OTOGL: variants seen among roughly 807,000 people sequenced by gnomAD.
The protein encoded by OTOGL is otogelin like, also known as otogelin-like protein.
Under a neutral mutation model 318.5 loss-of-function variants are expected in OTOGL, and 285 were observed. The ratio of observed to expected loss-of-function variants is 0.89; its 90% CI spans 0.81 to 0.99. The LOEUF (loss-of-function observed/expected upper bound fraction) is 0.99, where lower values mean the gene tolerates loss of function less well. OTOGL is among the 50% of genes least tolerant of loss of function. OTOGL has a pLI of 0.00. For missense variants in OTOGL, 2,899 were observed against 2,845.6 expected (o/e 1.02, Z -0.43); for synonymous variants, 987 against 936.5 (o/e 1.05, Z -0.99).
chr12:80,138,673 G>A, intron 1 of OTOGL, among the ~76,000 whole-genome samples: 1 of 151,942 alleles, frequency 6.6e-6, no homozygotes, highest in South Asian at 2.1e-4. Context: ...AAGCAAAAAA[G>A]GCCAATGTCA....
In OTOGL at chr12:80,210,796, C is replaced by A. The variant is rs186272901; in HGVS notation, c.80-51C>A. ...TCTTTTAAACAACTGGAACATGTAG[C>A]CAATATATTTGGATAATTTTTTTTC... On this transcript the variant is annotated intron_variant, in intron 2 of 58. Transcript: ENST00000547103. 5.6e-4 allele frequency: 668 copies of A among 1,199,548 alleles called. 1 individual carries two copies. Among genetic ancestry groups the A allele is most frequent in the South Asian group, 1.7e-3 (104 of 59,574 alleles). The allele number at this position is 1,199,548 out of a possible 1,614,324, so 74.3% of individuals were successfully genotyped here.
In OTOGL at chr12:80,209,413, G is replaced by T. The variant is rs1355784275; in HGVS notation, c.-19G>T. ...GACCATCAATTTGGTTACATTTCAG[G>T]GGGAAAGGCTACACTGAAATGAACA... On this transcript the variant is annotated splice_region_variant and 5_prime_UTR_variant, in exon 2 of 59. Coordinates refer to ENST00000547103, the MANE Select transcript of OTOGL (RefSeq NM_001378609.3). The T allele has an allele frequency of 6.9e-7, 1 of 1,444,244 alleles. No individual in the cohort carries two copies. Among genetic ancestry groups the T allele is most frequent in the Admixed American group, 2.3e-5 (1 of 43,414 alleles). 89.5% of individuals were successfully genotyped at this position (1,444,244 alleles called of 1,614,324 possible).
At chr12:80,264,909 C>T in intron 19 of OTOGL, 92 bp from the exon 20 acceptor site, 2 of 1,301,110 alleles carry the variant, frequency 1.5e-6, no homozygotes, top group Non-Finnish European at 2.2e-6. Flanking sequence ...GTAATATGCA[C>T]TACAGTGTAT....
rs1872322209 is a variant in OTOGL at position 80,145,935 on chromosome 12, T to C, written c.-20+46330T>C. On this transcript the variant is annotated intron_variant, in intron 1 of 58. Coordinates refer to ENST00000547103, the MANE Select transcript of OTOGL (RefSeq NM_001378609.3). ...TATCCTGAGACTTTGCTGAAATTGC[T>C]TATCAGCTGAAGGAGATTTTGGGCT... Among the ~76,000 whole-genome samples, 3 of 134,162 alleles carry C rather than the reference T, an allele frequency of 2.2e-5. No individual in the cohort carries two copies. The South Asian group carries it at 7.1e-4, about 32-fold the overall frequency. The allele number at this position is 134,162 out of a possible 152,430, so 88.0% of individuals were successfully genotyped here.
At chr12:80,110,153 C>T (rs564716768) in intron 1 of OTOGL, among the ~76,000 whole-genome samples, 5 of 148,232 alleles carry the variant, frequency 3.4e-5, no homozygotes, top group East Asian at 2.0e-4. Flanking sequence ...CTACAAGCTT[C>T]GTCTCCCAGG....
At chr12:80,175,369 T>C (rs1466550244) in intron 1 of OTOGL, among the ~76,000 whole-genome samples, 1 of 152,182 alleles carries the variant, frequency 6.6e-6, no homozygotes, top group East Asian at 1.9e-4. Context: ...AATTACATAA[T>C]ATAAAGCAAA....
At position 80,274,460 on chromosome 12, in the gene OTOGL, G is replaced by A. The variant is rs554238880; in HGVS notation, c.2681+2650G>A. ...TGAGGGAGGTGACAAAGCTGCAGAA[G>A]AAAAGTTTGAAGCCAGCAGAGGTTG... On this transcript the variant is annotated intron_variant, in intron 24 of 58. Coordinates refer to ENST00000547103, the MANE Select transcript of OTOGL (RefSeq NM_001378609.3). 4.6e-5 allele frequency among the ~76,000 whole-genome samples: 7 copies of A among 152,094 alleles called. No homozygotes were observed. In the South Asian group the frequency reaches 1.5e-3, roughly 32 times the overall value.
rs767545398 is a variant in OTOGL, at chr12:80,302,661, A to C, written c.3091A>C (p.Lys1031Gln). Residue 1031 changes from lysine (K) to glutamine (Q), a missense_variant, in exon 28 of 59, where the codon AAA becomes CAA. Transcript: ENST00000547103. ...QKQSGFFLEN[K>Q]STYQLWKAGY... Reference sequence around the variant, plus strand: ...ACAATCAGGTTTTTTTCTGGAAAACAAATCTACCTACCAGCTTTGGAAGGC... The same window carrying C: ...ACAATCAGGTTTTTTTCTGGAAAACCAATCTACCTACCAGCTTTGGAAGGC... 1.4e-6 allele frequency: 2 copies of C among 1,388,344 alleles called. No homozygotes were observed. Among genetic ancestry groups the C allele is most frequent in the South Asian group, 3.5e-5 (2 of 57,542 alleles). The allele number at this position is 1,388,344 out of a possible 1,614,324, so 86.0% of individuals were successfully genotyped here. A position where few individuals can be genotyped will look rare whatever the true frequency, so the allele number is the denominator to read the frequency against.
chr12:80,192,569 A>G (rs536935936), intron 1 of OTOGL, among the ~76,000 whole-genome samples: 1 of 152,370 alleles, frequency 6.6e-6, no homozygotes, highest in Admixed American at 6.5e-5. Flanking sequence ...TAGATTTTAC[A>G]TAAAAAAAGG....
chr12:80,268,514 C>G (rs1883169915), intron 22 of OTOGL, among the ~76,000 whole-genome samples: 1 of 152,072 alleles, frequency 6.6e-6, no homozygotes, highest in Non-Finnish European at 1.5e-5. Flanking sequence ...GCTCAATTTA[C>G]CTTTGTCTTT....
chr12:80,186,675 C>G (rs1875314700), intron 1 of OTOGL, among the ~76,000 whole-genome samples: 3 of 152,102 alleles, frequency 2.0e-5, no homozygotes, highest in Admixed American at 2.0e-4. Context: ...TTTAACTGCT[C>G]TCCCCAACTC....
intron 1 of OTOGL, chr12:80,131,709 C>G (rs1871251476): frequency 2.0e-5 from 3 of 152,152 alleles, no homozygotes; most frequent in Non-Finnish European, 4.4e-5. Flanking sequence ...ATAACCTATG[C>G]ATGAAACTCA....
At chr12:80,148,943 T>A (rs1244303307) in intron 1 of OTOGL, among the ~76,000 whole-genome samples, 1 of 152,204 alleles carries the variant, frequency 6.6e-6, no homozygotes, top group Non-Finnish European at 1.5e-5. Context: ...ATTATTCTAG[T>A]TATACATTAT....
At chr12:80,181,162 C>T (rs115105903) in intron 1 of OTOGL, among the ~76,000 whole-genome samples, 1 of 152,036 alleles carries the variant, frequency 6.6e-6, no homozygotes, top group African/African-American at 2.4e-5. Context: ...TAGTTTAGAT[C>T]CTTTGTTGTA....
At chr12:80,310,777 T>C (rs759973410) in intron 30 of OTOGL, 50 bp downstream of exon 30, 9 of 1,413,684 alleles carry the variant, frequency 6.4e-6, no homozygotes, top group Middle Eastern at 1.8e-4. Context: ...TTCTACTGTG[T>C]CTATAATACT....
intron 55 of OTOGL, among the ~76,000 whole-genome samples, chr12:80,369,315 A>G (rs1361350297): frequency 1.3e-5 from 2 of 152,030 alleles, no homozygotes; most frequent in African/African-American, 2.4e-5. Context: ...TCCTTTCCCA[A>G]ACTGTCTTCA....
chr12:80,220,905 G>T (rs947065861), intron 6 of OTOGL, among the ~76,000 whole-genome samples: 1 of 152,148 alleles, frequency 6.6e-6, no homozygotes, highest in African/African-American at 2.4e-5. Flanking sequence ...TACTGTCAGG[G>T]AAGACTGCCT....
At chr12:80,356,242 A>G (rs773819287) in intron 47 of OTOGL, 174 bp from the exon 48 acceptor site, 14 of 615,566 alleles carry the variant, frequency 2.3e-5, no homozygotes, top group Admixed American at 3.1e-5. Flanking sequence ...CTGCATTTTC[A>G]TATATGGCCC....
chr12:80,188,287 C>G (rs962766419), intron 1 of OTOGL, among the ~76,000 whole-genome samples: 8 of 152,018 alleles, frequency 5.3e-5, no homozygotes, highest in African/African-American at 1.9e-4. Context: ...TGCCTGTAAT[C>G]CCAGCACTTT....
Sources: allele counts gnomAD v4.1 joint callset (sites outside exome capture counted in the v4.1 genomes callset), GRCh38; gene constraint gnomAD v4.1.1; transcripts MANE v1.5; gene names NCBI Gene and HGNC (gene_info 2026-07-23, HGNC 2026-07-21).